Variants in CEP128 observed in about 807,000 individuals in gnomAD.
CEP128 encodes the protein centrosomal protein 128kDa.
In CEP128, 132 loss-of-function variants were observed where a neutral mutation model predicts 156.7. The ratio of observed to expected loss-of-function variants is 0.84; its 90% confidence interval spans 0.73 to 0.97. CEP128 has a LOEUF of 0.97. Ranked by LOEUF, CEP128 falls within the 50% of genes least tolerant of loss-of-function variation. The probability of loss-of-function intolerance (pLI) is 0.00; values close to 1 mark genes in which losing one functional copy is unlikely to be tolerated. For missense variants in CEP128, 1,252 were observed against 1,281.9 expected (o/e 0.98, Z 0.36); for synonymous variants, 469 against 448.9 (o/e 1.04, Z -0.57).
At chr14:80,908,805 G>T (rs1339064627) in intron 4 of CEP128, among the ~76,000 whole-genome samples, 1 of 152,214 alleles carries the variant, frequency 6.6e-6, no homozygotes, top group African/African-American at 2.4e-5. Flanking sequence ...TAGAAAGTCA[G>T]GTTAGGGTCA....
At chr14:80,612,119 C>T (rs1318767067) in intron 19 of CEP128, among the ~76,000 whole-genome samples, 4 of 151,984 alleles carry the variant, frequency 2.6e-5, no homozygotes, top group African/African-American at 9.7e-5. Context: ...AATAGGACAG[C>T]AATGCTGTAA....
intron 19 of CEP128, among the ~76,000 whole-genome samples, chr14:80,703,305 C>T (rs1897134696): frequency 6.6e-6 from 1 of 152,036 alleles, no homozygotes; most frequent in South Asian, 2.1e-4. Flanking sequence ...TCCATAAATT[C>T]TATAGCATCT....
Position 80,720,601 on chromosome 14 carries a change from G to A in CEP128, c.2806+22474C>T, listed in dbSNP as rs1322233100. Among the ~76,000 whole-genome samples, 3 of 152,082 alleles carry A rather than the reference G, an allele frequency of 2.0e-5. No individual in the cohort carries two copies. In the South Asian group the frequency reaches 6.2e-4, roughly 31 times the overall value. ...AAGATTGTCCGAGAAATTATGTAAC[G>A]TAAGTCTTGGTATATGGTAGGTACT... On this transcript the variant is annotated intron_variant, in intron 19 of 24. Coordinates refer to ENST00000555265, the MANE Select transcript of CEP128 (RefSeq NM_152446.5).
chr14:80,955,872 G>A (rs201052465), intron 2 of CEP128: 1 of 1,613,962 alleles, frequency 6.2e-7, no homozygotes, highest in African/African-American at 1.3e-5. Context: ...GGAGAGATCA[G>A]GGTAGGACCC....
chr14:80,522,231 G>A (rs555184260), intron 23 of CEP128, among the ~76,000 whole-genome samples: 4 of 152,318 alleles, frequency 2.6e-5, no homozygotes, highest in Non-Finnish European at 5.9e-5. Flanking sequence ...AGCTACTGTT[G>A]TAGAAGATTT....
downstream of CEP128, among the ~76,000 whole-genome samples, chr14:80,495,290 A>G (rs1403573705): frequency 1.3e-5 from 2 of 152,174 alleles, no homozygotes; most frequent in Non-Finnish European, 2.9e-5. Flanking sequence ...ATGTTTCCTT[A>G]GCATTCTTTT....
intron 19 of CEP128, among the ~76,000 whole-genome samples, chr14:80,638,149 G>T (rs1053556980): frequency 5.9e-5 from 9 of 152,184 alleles, no homozygotes; most frequent in African/African-American, 2.2e-4. Context: ...TTCCTTTCTG[G>T]AATGCCCTTC....
At chr14:80,838,418 A>C (rs1886193453) in intron 10 of CEP128, 140 bp from the exon 11 acceptor site, 5 of 606,080 alleles carry the variant, frequency 8.2e-6, no homozygotes, top group Non-Finnish European at 1.5e-5. Flanking sequence ...TAAATATCTC[A>C]CTATGAACAT....
intron 19 of CEP128, among the ~76,000 whole-genome samples, chr14:80,623,851 GTATGCAA>G (rs1184343969): frequency 6.6e-6 from 1 of 152,126 alleles, no homozygotes; most frequent in East Asian, 1.9e-4. Context: ...TTTGATACAT[GTATGCAA>G]TATGTAATGA....
intron 19 of CEP128, among the ~76,000 whole-genome samples, chr14:80,597,641 GA>G: frequency 7.5e-6 from 1 of 133,586 alleles, no homozygotes; most frequent in Admixed American, 7.7e-5. Flanking sequence ...AGAAAAGAAA[GA>G]AAAGAAAAAA....
At chr14:80,723,402 T>C (rs1897899020) in intron 19 of CEP128, among the ~76,000 whole-genome samples, 2 of 152,234 alleles carry the variant, frequency 1.3e-5, no homozygotes, top group African/African-American at 2.4e-5. Context: ...TAGAATCGTA[T>C]TCAGGCTGGA....
chr14:80,896,388 C>T (rs1357776886), intron 7 of CEP128, among the ~76,000 whole-genome samples: 3 of 152,178 alleles, frequency 2.0e-5, no homozygotes, highest in Non-Finnish European at 2.9e-5. Context: ...CTGCACTTCC[C>T]TCTGTGAATC....
intron 14 of CEP128, among the ~76,000 whole-genome samples, chr14:80,789,048 C>T (rs1901568757): frequency 6.6e-6 from 1 of 152,046 alleles, no homozygotes; most frequent in Admixed American, 6.6e-5. Context: ...ACTGATATTT[C>T]TATGGAAGTT....
At chr14:80,900,428 T>A (rs1379692058) in intron 6 of CEP128, among the ~76,000 whole-genome samples, 1 of 152,234 alleles carries the variant, frequency 6.6e-6, no homozygotes, top group Non-Finnish European at 1.5e-5. Context: ...TCTGTCACAG[T>A]TAATCTTGCC....
rs1229975499 is a variant in CEP128 at position 80,647,072 on chromosome 14, TATATATATATATATAC to T, written c.2807-66665_2807-66650del. On this transcript the variant is annotated intron_variant, in intron 19 of 24. Coordinates refer to ENST00000555265, the MANE Select transcript of CEP128 (RefSeq NM_152446.5). ...ATATATATATATATATATATATATA[TATATATATATATATAC>T]ACCCTTATAAATACACATACACACA... Among the ~76,000 whole-genome samples, 11 of 86,014 alleles carry T rather than the reference TATATATATATATATAC, an allele frequency of 1.3e-4. No individual in the cohort carries two copies. In the South Asian group the frequency reaches 2.2e-3, roughly 17 times the overall value. The allele number at this position is 86,014 out of a possible 152,430, so 56.4% of individuals were successfully genotyped here.
intron 19 of CEP128, among the ~76,000 whole-genome samples, chr14:80,622,243 A>T (rs1322931827): frequency 2.0e-5 from 3 of 152,312 alleles, no homozygotes; most frequent in East Asian, 1.9e-4. Context: ...GGCATCTTCA[A>T]AAGTTTTATT....
chr14:80,892,948 C>T (rs1019448695), intron 8 of CEP128, among the ~76,000 whole-genome samples: 1 of 151,716 alleles, frequency 6.6e-6, no homozygotes, highest in African/African-American at 2.4e-5. Context: ...ATAGAACTAC[C>T]ATATGACCCA....
chr14:80,836,073 T>C lies in CEP128; in HGVS notation c.1057+132A>G, dbSNP rs368838622. On this transcript the variant is annotated intron_variant, in intron 12 of 24. Coordinates refer to ENST00000555265, the MANE Select transcript of CEP128 (RefSeq NM_152446.5). ...TATTATCAACTTATCAGAAAATGTT[T>C]AATAGATCAAGAAATAGTATGACGT... 220 of 833,904 alleles carry C rather than the reference T, an allele frequency of 2.6e-4. No homozygotes were observed. In the African/African-American group the frequency reaches 3.3e-3, roughly 12 times the overall value. 51.7% of individuals were successfully genotyped at this position (833,904 alleles called of 1,614,324 possible). A position where few individuals can be genotyped will look rare whatever the true frequency, so the allele number is the denominator to read the frequency against.
At chr14:80,784,156 G>A (rs1901270113) in intron 15 of CEP128, among the ~76,000 whole-genome samples, 1 of 151,922 alleles carries the variant, frequency 6.6e-6, no homozygotes, top group South Asian at 2.1e-4. Context: ...AAAAACTGTT[G>A]TAGGCACTGG....
Sources: allele counts gnomAD v4.1 joint callset (sites outside exome capture counted in the v4.1 genomes callset), GRCh38; gene constraint gnomAD v4.1.1; transcripts MANE v1.5; gene names NCBI Gene and HGNC (gene_info 2026-07-23, HGNC 2026-07-21).